The following CCER2 variants were observed in gnomAD, a reference collection of about 807,000 sequenced individuals.
The protein encoded by CCER2 is coiled-coil domain-containing glutamate-rich protein 2.
CCER2 carries 20 observed loss-of-function variants against 27.1 expected under a neutral mutation model. That is an observed-to-expected ratio of 0.74 (90% CI 0.52 to 1.07). The LOEUF is 1.07. Among genes scored for constraint, CCER2 ranks in the 50% least tolerant of loss-of-function variants. The pLI is 0.00. For synonymous variants in CCER2, 140 were observed against 144.3 expected, an observed-to-expected ratio of 0.97 and a Z score of 0.21; for missense variants, 351 against 344.7, an observed-to-expected ratio of 1.02 and a Z score of -0.14.
In CCER2 at chr19:38,909,016, G is replaced by A. The variant is rs1385301796; in HGVS notation, c.*220C>T. ...GTGCTTTATTCACTCAGAAGGGTTG[G>A]AGTGGGAGTGCATAGGTGTGGGGGT... On this transcript the variant is annotated 3_prime_UTR_variant, in exon 5 of 5. Transcript: ENST00000571838. 7.8e-6 allele frequency: 8 copies of A among 1,023,460 alleles called. No homozygotes were observed. Among genetic ancestry groups the A allele is most frequent in the Non-Finnish European group, 1.1e-5 (8 of 715,648 alleles). The allele number at this position is 1,023,460 out of a possible 1,614,324, so 63.4% of individuals were successfully genotyped here.
At chr19:38,911,716 A>G (rs2144752305) in intron 2 of CCER2, 63 bp from the exon 3 acceptor site, 1 of 1,525,112 alleles carries the variant, frequency 6.6e-7, no homozygotes, top group Admixed American at 2.0e-5. Flanking sequence ...GGAGGAGAGC[A>G]GCTGGTTTGA....
rs1202958788 is a variant in CCER2, at chr19:38,911,589, G to A, written c.167C>T (p.Pro56Leu). The part of the protein sequence containing the change: ...VLTVGQVQRG[P>L]CTALLHKELC... Reference sequence around the variant, plus strand: ...ACCCTTGTGGAGAAGAGCAGTGCAGGGTCCTCTCTGGACCTGGCCCACGGT... The same window carrying A: ...ACCCTTGTGGAGAAGAGCAGTGCAGAGTCCTCTCTGGACCTGGCCCACGGT... Residue 56 changes from proline to leucine, a missense_variant, in exon 3 of 5, where the codon CCC (proline) becomes CTC (leucine). Pro to Leu is a moderately conservative substitution (Grantham distance 98). Transcript: ENST00000571838. The A allele has an allele frequency of 1.3e-6, 2 of 1,535,400 alleles. No homozygotes were observed. The highest frequency in any genetic ancestry group is 2.0e-5 in the Admixed American group (1 of 50,976).
intron 3 of CCER2, 67 bp from the exon 4 acceptor site, chr19:38,911,150 C>G: frequency 7.2e-7 from 1 of 1,381,660 alleles, no homozygotes; most frequent in Non-Finnish European, 9.4e-7. Context: ...TATGGAGGCT[C>G]ACGCCTGTAA....
In CCER2 at chr19:38,912,087, C is replaced by T; in HGVS notation, c.61+11G>A. ...CTGGCAGGTCCCGCACTCGGCAGGT[C>T]CCGCACTCACCCGCCCCCAGCAGGA... On this transcript the variant is annotated intron_variant, in intron 1 of 4. Coordinates refer to ENST00000571838, the MANE Select transcript of CCER2 (RefSeq NM_001243212.2). The T allele has an allele frequency of 1.3e-6, 2 of 1,521,562 alleles. No individual in the cohort carries two copies. The highest frequency in any genetic ancestry group is 1.8e-6 in the Non-Finnish European group (2 of 1,141,096). The allele number at this position is 1,521,562 out of a possible 1,614,324, so 94.3% of individuals were successfully genotyped here.
intron 3 of CCER2, among the ~76,000 whole-genome samples, 195 bp downstream of exon 3, chr19:38,911,364 TGTTGCTG>T (rs1437848917): frequency 7.9e-5 from 12 of 152,064 alleles, no homozygotes; most frequent in African/African-American, 2.9e-4. Flanking sequence ...ACCACAAGGG[TGTTGCTG>T]GTGGCCAGGC....
In CCER2 at chr19:38,909,267, G is replaced by GTCTCTGTCACCTTCTTCAGTTCGTC; in HGVS notation, c.745_769dup (p.Thr257ArgfsTer29). On this transcript the variant is annotated frameshift_variant, in exon 5 of 5. Transcript: ENST00000571838. LOFTEE classifies it high-confidence loss of function. ...CTCCCTCCTGAGCTGCTCCCCCAGC[G>GTCTCTGTCACCTTCTTCAGTTCGTC]TCTCTGTCACCTTCTTCAGTTCGTC... 1 of 1,535,486 alleles carries GTCTCTGTCACCTTCTTCAGTTCGTC rather than the reference G, an allele frequency of 6.5e-7. No homozygotes were observed. Among genetic ancestry groups the GTCTCTGTCACCTTCTTCAGTTCGTC allele is most frequent in the Admixed American group, 2.0e-5 (1 of 50,980 alleles).
chr19:38,909,230 T>C lies in CCER2; in HGVS notation c.*6A>G, dbSNP rs1180872429. On this transcript the variant is annotated 3_prime_UTR_variant, in exon 5 of 5. Coordinates refer to ENST00000571838, the MANE Select transcript of CCER2 (RefSeq NM_001243212.2). ...TGTCAGGAGGAAGGAGGGACTGAGGTAGGGGTCAGCCCTCCCTCCTGAGCT... is the reference window on the plus strand; with the variant it reads ...TGTCAGGAGGAAGGAGGGACTGAGGCAGGGGTCAGCCCTCCCTCCTGAGCT... The C allele has an allele frequency of 1.3e-6, 2 of 1,534,186 alleles. No homozygotes were observed. The highest frequency in any genetic ancestry group is 1.7e-6 in the Non-Finnish European group (2 of 1,145,626).
chr19:38,908,999 T>C lies in CCER2; in HGVS notation c.*237A>G. The C allele has an allele frequency of 8.8e-7, 1 of 1,130,654 alleles. No individual in the cohort carries two copies. The highest frequency in any genetic ancestry group is 2.6e-5 in the East Asian group (1 of 38,880). 70.0% of individuals were successfully genotyped at this position (1,130,654 alleles called of 1,614,324 possible). On this transcript the variant is annotated 3_prime_UTR_variant, in exon 5 of 5. Transcript: ENST00000571838. ...GCAGGGTGCGTTTCTTTGTGCTTTA[T>C]TCACTCAGAAGGGTTGGAGTGGGAG...
chr19:38,911,723 T>C, intron 2 of CCER2, 70 bp from the exon 3 acceptor site: 5 of 1,526,628 alleles, frequency 3.3e-6, no homozygotes, highest in Non-Finnish European at 4.4e-6. Context: ...AGCAGCTGGT[T>C]TGAGGGCAAT....
chr19:38,909,863 C>T (rs1600155159), intron 4 of CCER2, among the ~76,000 whole-genome samples: 2 of 141,764 alleles, frequency 1.4e-5, no homozygotes, highest in South Asian at 2.4e-4. Context: ...CACGAACCAC[C>T]ATGCCCAGCC....
chr19:38,910,721 C>T lies in CCER2; in HGVS notation c.553G>A (p.Glu185Lys). The change falls in exon 4 of 5, where the codon GAG (glutamate) becomes AAG (lysine). Residue 185 changes from glutamate to lysine, a missense_variant. Transcript: ENST00000571838. ...CCGCCCAGCACCCGCACCCCCTTCT[C>T]CTCTGCCTGGAACTGGGCCGTCTCT... ...DKETAQFQAEEKGVRVLGGDR... is the reference protein window; with the variant it reads ...DKETAQFQAEKKGVRVLGGDR... 2 of 1,532,864 alleles carry T rather than the reference C, an allele frequency of 1.3e-6. No homozygotes were observed. The highest frequency in any genetic ancestry group is 1.7e-6 in the Non-Finnish European group (2 of 1,145,244). 95.0% of individuals were successfully genotyped at this position (1,532,864 alleles called of 1,614,324 possible).
At chr19:38,910,530 G>T in intron 4 of CCER2, 33 bp downstream of exon 4, 3 of 1,448,480 alleles carry the variant, frequency 2.1e-6, no homozygotes, top group Non-Finnish European at 2.7e-6. Context: ...CCTCCAAACT[G>T]TGTTGGTGTT....
At position 38,911,832 on chromosome 19, in the gene CCER2, G is replaced by T. The variant is rs1475816614; in HGVS notation, c.82C>A (p.Pro28Thr). 6.5e-7 allele frequency: 1 copy of T among 1,535,330 alleles called. No individual in the cohort carries two copies. The highest frequency in any genetic ancestry group is 2.0e-5 in the Admixed American group (1 of 50,986). The stretch of plus-strand genomic sequence containing the variant: ...CTCACCTCCTCCTTGGAGGGTCTCG[G>T]TGCCAAGGGAGCAGCGGTGGCTGTG... ...LGAATAAPLA[P>T]RPSKEELTRC... The change falls in exon 2 of 5, where the codon CCG becomes ACG. Residue 28 changes from proline to threonine, a missense_variant. Coordinates refer to ENST00000571838, the MANE Select transcript of CCER2 (RefSeq NM_001243212.2).
chr19:38,911,147 G>A, intron 3 of CCER2, 64 bp from the exon 4 acceptor site: 22 of 1,381,610 alleles, frequency 1.6e-5, no homozygotes, highest in Non-Finnish European at 2.1e-5. Flanking sequence ...GAGTATGGAG[G>A]CTCACGCCTG....
intron 1 of CCER2, 114 bp from the exon 2 acceptor site, chr19:38,911,966 C>T (rs909994033): frequency 4.3e-5 from 63 of 1,480,514 alleles, no homozygotes; most frequent in Admixed American, 1.0e-4. Flanking sequence ...TCCCACCCGG[C>T]GGGTGTACTG....
chr19:38,910,925 C>T lies in CCER2; in HGVS notation c.349G>A (p.Val117Ile). 1.3e-6 allele frequency: 2 copies of T among 1,518,784 alleles called. No individual in the cohort carries two copies. The highest frequency in any genetic ancestry group is 1.7e-4 in the Middle Eastern group (1 of 5,920). 94.1% of individuals were successfully genotyped at this position (1,518,784 alleles called of 1,614,324 possible). A position where few individuals can be genotyped will look rare whatever the true frequency, so the allele number is the denominator to read the frequency against. Reference sequence around the variant, plus strand: ...TGCATGCGGATGGCTTGTTCCTGGACCTCAGACTTGTGGGTCCTCTCTGCT... The same window carrying T: ...TGCATGCGGATGGCTTGTTCCTGGATCTCAGACTTGTGGGTCCTCTCTGCT... ...EVAERTHKSE[V>I]QEQAIRMQGH... Residue 117 changes from valine to isoleucine, a missense_variant, in exon 4 of 5, where the codon GTC (valine) becomes ATC (isoleucine). Coordinates refer to ENST00000571838, the MANE Select transcript of CCER2 (RefSeq NM_001243212.2).
chr19:38,911,257 G>T (rs1043086769), intron 3 of CCER2, among the ~76,000 whole-genome samples, 174 bp from the exon 4 acceptor site: 3 of 152,234 alleles, frequency 2.0e-5, no homozygotes, highest in African/African-American at 7.2e-5. Context: ...CCTGCCGAAG[G>T]TCTCACAGGG....
In CCER2 at chr19:38,911,553, G is replaced by C. The variant is rs1307909368; in HGVS notation, c.190+13C>G. The C allele has an allele frequency of 4.6e-6, 7 of 1,534,308 alleles. No individual in the cohort carries two copies. Among genetic ancestry groups the C allele is most frequent in the Admixed American group, 2.0e-5 (1 of 50,974 alleles). ...GGGTTGTGGAGGGCAAGTGGGGCCCGGGGCCTCCTTACCCTTGTGGAGAAG... is the reference window on the plus strand; with the variant it reads ...GGGTTGTGGAGGGCAAGTGGGGCCCCGGGCCTCCTTACCCTTGTGGAGAAG... On this transcript the variant is annotated intron_variant, in intron 3 of 4. Transcript: ENST00000571838.
Position 38,912,139 on chromosome 19 carries a change from G to A in CCER2, c.20C>T (p.Ala7Val), listed in dbSNP as rs749070023. Residue 7 changes from alanine to valine, a missense_variant, in exon 1 of 5, where the codon GCC (alanine) becomes GTC (valine). Physicochemically the swap from Ala to Val is moderately conservative, Grantham distance 64. Coordinates refer to ENST00000571838, the MANE Select transcript of CCER2 (RefSeq NM_001243212.2). ...CAGCCGCAGCAGCAGCAGCTCAGAG[G>A]CTGGCCCTCGGGGCGGCATGGTGGG... MPPRGP[A>V]SELLLLRLLL... 8 of 1,501,198 alleles carry A rather than the reference G, an allele frequency of 5.3e-6. No individual in the cohort carries two copies. The South Asian group carries it at 6.3e-5, about 12-fold the overall frequency. The allele number at this position is 1,501,198 out of a possible 1,614,324, so 93.0% of individuals were successfully genotyped here. A position where few individuals can be genotyped will look rare whatever the true frequency, so the allele number is the denominator to read the frequency against.
Sources: gnomAD v4.1 joint callset for allele counts (sites outside exome capture counted in the v4.1 genomes callset) on GRCh38, gnomAD v4.1.1 for gene constraint, MANE v1.5 for transcripts, NCBI Gene and HGNC (gene_info 2026-07-23, HGNC 2026-07-21) for gene names.